Variants in LMBR1 observed in about 807,000 individuals in gnomAD.
The protein encoded by LMBR1 is limb development membrane protein 1.
LMBR1 carries 52 observed loss-of-function variants against 73.9 expected under a neutral mutation model. The observed-to-expected ratio is 0.70, with a 90% CI of 0.56 to 0.89. The LOEUF (loss-of-function observed/expected upper bound fraction) is 0.89. Ranked by LOEUF, LMBR1 falls within the 40% of genes least tolerant of loss-of-function variation. LMBR1 has a pLI of 0.00. For missense variants in LMBR1, 539 were observed against 579.8 expected (o/e 0.93, Z 0.72); for synonymous variants, 215 against 209.4 (o/e 1.03, Z -0.23).
chr7:156,762,066 A>G (rs895874911), intron 8 of LMBR1, 68 bp downstream of exon 8: 2 of 866,038 alleles, frequency 2.3e-6, no homozygotes, highest in African/African-American at 1.7e-5. Context: ...CTAGCTCACA[A>G]TATCAAAGAC....
intron 15 of LMBR1, among the ~76,000 whole-genome samples, chr7:156,713,326 T>C (rs1812490333): frequency 6.6e-6 from 1 of 152,042 alleles, no homozygotes; most frequent in Non-Finnish European, 1.5e-5. Context: ...ATATGGGACA[T>C]TATACATTTG....
At chr7:156,821,783 C>G (rs1466025517) in intron 4 of LMBR1, among the ~76,000 whole-genome samples, 1 of 141,236 alleles carries the variant, frequency 7.1e-6, no homozygotes, top group African/African-American at 2.5e-5. Flanking sequence ...CCTTCCCCAG[C>G]CACCCCTGTC....
intron 9 of LMBR1, among the ~76,000 whole-genome samples, chr7:156,735,551 T>TTG (rs1554492530): frequency 1.3e-5 from 2 of 151,106 alleles, no homozygotes; most frequent in Non-Finnish European, 2.9e-5. Context: ...GAGTGGTGTT[T>TTG]TTTTTTTTTT....
rs1248216293 is a variant in LMBR1 at position 156,678,573 on chromosome 7, G to A, written c.*5505C>T. The A allele has an allele frequency of 6.6e-6, 1 of 152,204 alleles. No individual in the cohort carries two copies. The highest frequency in any genetic ancestry group is 2.4e-5 in the African/African-American group (1 of 41,460). 9.4% of individuals were successfully genotyped at this position (152,204 alleles called of 1,614,324 possible). On this transcript the variant is annotated 3_prime_UTR_variant, in exon 17 of 17. Coordinates refer to ENST00000353442, the MANE Select transcript of LMBR1 (RefSeq NM_022458.4). Reference sequence around the variant, plus strand: ...ATACAATTACTCCACAGCCTCATCAGGTCTCTTCTATAAAAACTGGGACAC... The same window carrying A: ...ATACAATTACTCCACAGCCTCATCAAGTCTCTTCTATAAAAACTGGGACAC...
At chr7:156,851,395 C>T (rs1029918893) in intron 1 of LMBR1, among the ~76,000 whole-genome samples, 10 of 152,190 alleles carry the variant, frequency 6.6e-5, no homozygotes, top group Admixed American at 1.3e-4. Flanking sequence ...ACAGAAAACA[C>T]TAAGACCCTT....
intron 5 of LMBR1, among the ~76,000 whole-genome samples, chr7:156,781,462 T>A (rs1391660964): frequency 6.6e-6 from 1 of 152,094 alleles, no homozygotes. Flanking sequence ...AATAGCTACT[T>A]TGGGTGGGCA....
chr7:156,676,246 T>TGTAC (rs1554453470), downstream of LMBR1: 1 of 1,426,402 alleles, frequency 7.0e-7, no homozygotes, highest in Non-Finnish European at 9.1e-7. Context: ...TATGTGTGTG[T>TGTAC]ATATATATAT....
chr7:156,795,380 T>G (rs917731234), intron 5 of LMBR1, among the ~76,000 whole-genome samples: 2 of 152,214 alleles, frequency 1.3e-5, no homozygotes, highest in Non-Finnish European at 1.5e-5. Flanking sequence ...TTTTCATCTG[T>G]GTCCCCAGCA....
chr7:156,882,342 G>A (rs930453699), intron 1 of LMBR1, among the ~76,000 whole-genome samples: 3 of 152,188 alleles, frequency 2.0e-5, no homozygotes, highest in African/African-American at 7.2e-5. Flanking sequence ...CTACTTAGGA[G>A]GCTGAGGTGA....
At chr7:156,753,721 C>G (rs142242946) in intron 9 of LMBR1, among the ~76,000 whole-genome samples, 11 of 152,192 alleles carry the variant, frequency 7.2e-5, no homozygotes, top group African/African-American at 2.4e-4. Flanking sequence ...AGTCCCAAAG[C>G]AGACGGCAGA....
At chr7:156,824,151 C>T (rs1041347714) in intron 4 of LMBR1, among the ~76,000 whole-genome samples, 40 of 151,918 alleles carry the variant, frequency 2.6e-4, no homozygotes, top group African/African-American at 9.4e-4. Flanking sequence ...CACGCGCGCG[C>T]GCTGAAAAAA....
chr7:156,891,431 G>T (rs755109133), intron 1 of LMBR1, among the ~76,000 whole-genome samples: 5 of 150,458 alleles, frequency 3.3e-5, no homozygotes, highest in Non-Finnish European at 7.4e-5. Flanking sequence ...CACAAACATT[G>T]TACAAGAAAC....
chr7:156,767,849 A>G (rs1452691445), intron 5 of LMBR1, among the ~76,000 whole-genome samples: 2 of 152,124 alleles, frequency 1.3e-5, no homozygotes, highest in Non-Finnish European at 1.5e-5. Flanking sequence ...AGACCTATCA[A>G]AACGAAAGTG....
intron 1 of LMBR1, among the ~76,000 whole-genome samples, chr7:156,891,194 A>G (rs1156983467): frequency 5.9e-4 from 51 of 86,598 alleles, no homozygotes; most frequent in African/African-American, 2.7e-3. Context: ...CCATCACAAA[A>G]AAAAAAAAAA....
intron 1 of LMBR1, among the ~76,000 whole-genome samples, chr7:156,867,596 T>C (rs1250680330): frequency 6.6e-6 from 1 of 152,236 alleles, no homozygotes; most frequent in East Asian, 1.9e-4. Flanking sequence ...GAAGTACTGA[T>C]ACATGCTACA....
intron 15 of LMBR1, among the ~76,000 whole-genome samples, chr7:156,701,536 C>G (rs974938780): frequency 6.6e-6 from 1 of 152,138 alleles, no homozygotes; most frequent in Non-Finnish European, 1.5e-5. Flanking sequence ...ATGAGAATGG[C>G]CAAAATCCAG....
chr7:156,703,486 T>C (rs1017442641), intron 15 of LMBR1, among the ~76,000 whole-genome samples: 3 of 152,114 alleles, frequency 2.0e-5, no homozygotes, highest in Non-Finnish European at 2.9e-5. Flanking sequence ...TAGGACTGAC[T>C]AGATACCTGG....
intron 15 of LMBR1, among the ~76,000 whole-genome samples, chr7:156,698,529 C>G (rs1341263603): frequency 6.6e-6 from 1 of 152,184 alleles, no homozygotes; most frequent in African/African-American, 2.4e-5. Context: ...TCCCAAACCT[C>G]AATTCTTGAC....
chr7:156,784,935 A>C lies in LMBR1; in HGVS notation c.423+11454T>G, dbSNP rs955773279. ...TCTTTTGCCCATCCAGGACTCCACTAACAGACATCTGCATCTCTTTTGCCC... is the reference window on the plus strand; with the variant it reads ...TCTTTTGCCCATCCAGGACTCCACTCACAGACATCTGCATCTCTTTTGCCC... On this transcript the variant is annotated intron_variant, in intron 5 of 16. Coordinates refer to ENST00000353442, the MANE Select transcript of LMBR1 (RefSeq NM_022458.4). Among the ~76,000 whole-genome samples, 4 of 152,328 alleles carry C rather than the reference A, an allele frequency of 2.6e-5. No individual in the cohort carries two copies. In the East Asian group the frequency reaches 5.8e-4, roughly 22 times the overall value.
Sources: allele counts gnomAD v4.1 joint callset (sites outside exome capture counted in the v4.1 genomes callset), GRCh38; gene constraint gnomAD v4.1.1; transcripts MANE v1.5; gene names NCBI Gene and HGNC (gene_info 2026-07-23, HGNC 2026-07-21).